The following KIAA1217 variants were observed in gnomAD, a reference collection of about 807,000 sequenced individuals.
The protein encoded by KIAA1217 is KIAA1217.
In KIAA1217, 88 loss-of-function variants were observed where a neutral mutation model predicts 163.9. The ratio of observed to expected loss-of-function variants is 0.54; its 90% CI spans 0.45 to 0.64. KIAA1217 has a LOEUF of 0.64. Among genes scored for constraint, KIAA1217 ranks in the 30% least tolerant of loss-of-function variants. KIAA1217 has a pLI of 0.00. For synonymous variants in KIAA1217, 903 were observed against 923.1 expected (o/e 0.98, Z 0.39); for missense variants, 2,372 against 2,475.0 (o/e 0.96, Z 0.88).
chr10:24,035,226 C>A (rs1029827005), intron 2 of KIAA1217, among the ~76,000 whole-genome samples: 5 of 152,166 alleles, frequency 3.3e-5, no homozygotes, highest in African/African-American at 1.2e-4. Context: ...TCTACCTTGT[C>A]AGGTCACCAT....
At chr10:23,810,971 T>TTATATACTATATATAGTATATAA (rs1554800156) in intron 1 of KIAA1217, among the ~76,000 whole-genome samples, 5 of 118,714 alleles carry the variant, frequency 4.2e-5, no homozygotes, top group African/African-American at 1.8e-4. Context: ...ATAGTATATA[T>TTATATACTATATATAGTATATAA]TATATACTAT....
intron 5 of KIAA1217, among the ~76,000 whole-genome samples, chr10:24,447,317 C>T (rs995983542): frequency 6.6e-6 from 1 of 151,456 alleles, no homozygotes; most frequent in Non-Finnish European, 1.5e-5. Context: ...ATACATGTGC[C>T]ATGTTGGTGT....
At chr10:23,925,066 T>A (rs1372327875) in intron 1 of KIAA1217, among the ~76,000 whole-genome samples, 1 of 152,046 alleles carries the variant, frequency 6.6e-6, no homozygotes, top group Non-Finnish European at 1.5e-5. Context: ...TATCCCAAAT[T>A]TTTAGTCCCA....
chr10:23,955,471 C>T (rs1037715248), intron 1 of KIAA1217, among the ~76,000 whole-genome samples: 1 of 152,156 alleles, frequency 6.6e-6, no homozygotes, highest in Non-Finnish European at 1.5e-5. Flanking sequence ...TCCATCAAAA[C>T]GTTTCCATCT....
chr10:24,492,664 A>C (rs1034013832), intron 6 of KIAA1217, among the ~76,000 whole-genome samples: 1 of 152,182 alleles, frequency 6.6e-6, no homozygotes, highest in African/African-American at 2.4e-5. Context: ...GAAGCTTCCA[A>C]TTACAAAATT....
intron 1 of KIAA1217, among the ~76,000 whole-genome samples, chr10:23,908,479 C>G (rs1237940330): frequency 6.6e-6 from 1 of 152,020 alleles, no homozygotes; most frequent in Non-Finnish European, 1.5e-5. Context: ...CCTCGGCTCA[C>G]CCCTTAGGTG....
intron 3 of KIAA1217, among the ~76,000 whole-genome samples, chr10:24,414,103 A>C (rs1055434051): frequency 1.3e-5 from 2 of 152,224 alleles, no homozygotes; most frequent in South Asian, 2.1e-4. Context: ...TGTAAATCTA[A>C]AACAGTCCTA....
At chr10:23,790,135 A>T (rs2130922984) in intron 1 of KIAA1217, among the ~76,000 whole-genome samples, 1 of 78,306 alleles carries the variant, frequency 1.3e-5, no homozygotes, top group Non-Finnish European at 2.4e-5. Flanking sequence ...ACACATATGC[A>T]TATACACATA....
At chr10:24,449,629 G>A (rs1370674983) in intron 5 of KIAA1217, 1 of 985,344 alleles carries the variant, frequency 1.0e-6, no homozygotes, top group Admixed American at 6.1e-5. Context: ...GCTTCCTTCT[G>A]TAAAAAACCC....
At chr10:24,168,753 T>A (rs1197940092) in intron 2 of KIAA1217, among the ~76,000 whole-genome samples, 1 of 152,222 alleles carries the variant, frequency 6.6e-6, no homozygotes, top group Non-Finnish European at 1.5e-5. Flanking sequence ...TGTCTGACAT[T>A]ATCAGTGTTC....
In KIAA1217 at chr10:24,546,081, G is replaced by A; in HGVS notation, c.5589G>A (p.Lys1863=). Residue 1863 remains lysine (K), a synonymous_variant, in exon 21 of 21, where the codon AAG becomes AAA. Transcript: ENST00000376454. ...CTTCTGTCTCTAATGGCTCTTTGAA[G>A]TTTCAGAGCCTCACTCATACAGGTA... ...LIPSVSNGSL[K]FQSLTHTGKG... The A allele has an allele frequency of 6.2e-7, 1 of 1,614,186 alleles. No homozygotes were observed. The highest frequency in any genetic ancestry group is 8.5e-7 in the Non-Finnish European group (1 of 1,180,042).
At chr10:24,510,816 T>C (rs2069011615) in intron 9 of KIAA1217, among the ~76,000 whole-genome samples, 1 of 152,178 alleles carries the variant, frequency 6.6e-6, no homozygotes, top group African/African-American at 2.4e-5. Context: ...ACAGGAGAGC[T>C]GATCCCAACA....
intron 2 of KIAA1217, among the ~76,000 whole-genome samples, chr10:24,222,610 A>C (rs1275539178): frequency 6.6e-6 from 1 of 152,144 alleles, no homozygotes; most frequent in Non-Finnish European, 1.5e-5. Context: ...TCTCAGGTTC[A>C]AGTAATTCTC....
At chr10:24,076,217 G>C (rs2061364080) in intron 2 of KIAA1217, among the ~76,000 whole-genome samples, 1 of 152,142 alleles carries the variant, frequency 6.6e-6, no homozygotes, top group Admixed American at 6.5e-5. Context: ...TTATTTTCCT[G>C]CTGGCTATTC....
At chr10:23,818,351 A>AAT (rs1554802293) in intron 1 of KIAA1217, among the ~76,000 whole-genome samples, 6,298 of 134,818 alleles carry the variant, frequency 0.047, 178 homozygotes, top group Non-Finnish European at 0.064. Context: ...TATATAAAAA[A>AAT]ATATATATAT....
chr10:23,942,550 ATAG>A (rs1167556681), intron 1 of KIAA1217, among the ~76,000 whole-genome samples: 3 of 152,208 alleles, frequency 2.0e-5, no homozygotes, highest in Admixed American at 6.5e-5. Context: ...ATCTGAAGAA[ATAG>A]TAGCCCCCCA....
At chr10:23,902,869 G>A (rs940573920) in intron 1 of KIAA1217, among the ~76,000 whole-genome samples, 3 of 152,092 alleles carry the variant, frequency 2.0e-5, no homozygotes, top group Non-Finnish European at 4.4e-5. Context: ...GGAGGTTATT[G>A]GAAGGTGAAT....
intron 1 of KIAA1217, among the ~76,000 whole-genome samples, chr10:23,838,054 G>A (rs1838577648): frequency 6.6e-6 from 1 of 152,134 alleles, no homozygotes; most frequent in Admixed American, 6.5e-5. Context: ...CTAAGACCTG[G>A]ATAAATCCAA....
At chr10:24,358,148 A>G (rs1271814098) in intron 2 of KIAA1217, among the ~76,000 whole-genome samples, 2 of 152,154 alleles carry the variant, frequency 1.3e-5, no homozygotes, top group Admixed American at 1.3e-4. Context: ...TGCCTTTGTG[A>G]TCATTACATT....
Sources: gnomAD v4.1 joint callset for allele counts (sites outside exome capture counted in the v4.1 genomes callset) on GRCh38, gnomAD v4.1.1 for gene constraint, MANE v1.5 for transcripts, NCBI Gene and HGNC (gene_info 2026-07-23, HGNC 2026-07-21) for gene names.